Variants in SBF2 observed in about 807,000 individuals in gnomAD.
SBF2 encodes SET binding factor 2.
Under a neutral mutation model 225.2 loss-of-function variants are expected in SBF2, and 112 were observed. That is an observed-to-expected ratio of 0.50 (90% CI 0.43 to 0.58). The LOEUF (loss-of-function observed/expected upper bound fraction) is 0.58. Ranked by LOEUF, SBF2 falls within the 20% of genes least tolerant of loss-of-function variation. SBF2 has a pLI of 0.00. For synonymous variants in SBF2, 763 were observed against 773.3 expected (o/e 0.99, Z 0.22); for missense variants, 1,996 against 2,206.2 (o/e 0.90, Z 1.91).
rs139044365 is a variant in SBF2 at position 10,237,513 on chromosome 11, A to G, written c.56-43526T>C. Among the ~76,000 whole-genome samples the G allele has an allele frequency of 2.6e-5, 4 of 152,308 alleles. No individual in the cohort carries two copies. In the East Asian group the frequency reaches 7.7e-4, roughly 29 times the overall value. On this transcript the variant is annotated intron_variant, in intron 1 of 39. Coordinates refer to ENST00000256190, the MANE Select transcript of SBF2 (RefSeq NM_030962.4). ...GCCTCAAATCATCTCAGTACTTAAA[A>G]CTGGATTAAGGTGATACAGAATTAC...
At chr11:9,841,664 T>C (rs1357456847) in intron 25 of SBF2, among the ~76,000 whole-genome samples, 1 of 152,000 alleles carries the variant, frequency 6.6e-6, no homozygotes, top group Non-Finnish European at 1.5e-5. Flanking sequence ...TCCTGAGCAG[T>C]AGGGACTACA....
At chr11:10,202,281 T>C (rs1957593031) in intron 1 of SBF2, among the ~76,000 whole-genome samples, 1 of 152,210 alleles carries the variant, frequency 6.6e-6, no homozygotes, top group Admixed American at 6.5e-5. Flanking sequence ...CCCAGCATCA[T>C]TCACAATCAC....
intron 2 of SBF2, among the ~76,000 whole-genome samples, chr11:10,134,186 T>C (rs1308668212): frequency 6.6e-6 from 1 of 152,138 alleles, no homozygotes; most frequent in Non-Finnish European, 1.5e-5. Flanking sequence ...AACTCCCCTT[T>C]ACAAAACCAT....
At chr11:9,830,770 C>CAAAAAAAAAAAAAA (rs1206347819) in intron 27 of SBF2, among the ~76,000 whole-genome samples, 6 of 137,514 alleles carry the variant, frequency 4.4e-5, no homozygotes, top group African/African-American at 1.1e-4. Flanking sequence ...AAAAACAAAA[C>CAAAAAAAAAAAAAA]AAAACAAAAA....
At chr11:9,868,110 G>A (rs1319776714) in intron 17 of SBF2, among the ~76,000 whole-genome samples, 1 of 151,838 alleles carries the variant, frequency 6.6e-6, no homozygotes. Flanking sequence ...AATATCACTT[G>A]TACCCCATAA....
intron 2 of SBF2, among the ~76,000 whole-genome samples, chr11:10,141,543 CAA>C (rs1227756903): frequency 3.3e-5 from 5 of 152,296 alleles, no homozygotes; most frequent in African/African-American, 1.2e-4. Flanking sequence ...TCATTTCTTT[CAA>C]AAGACATTAC....
chr11:9,969,074 C>T (rs900357225), intron 13 of SBF2, among the ~76,000 whole-genome samples: 3 of 152,144 alleles, frequency 2.0e-5, no homozygotes, highest in South Asian at 2.1e-4. Context: ...TAATCTTCAC[C>T]CACCTCTATC....
At chr11:9,866,052 G>A (rs548509037) in intron 17 of SBF2, among the ~76,000 whole-genome samples, 2 of 152,252 alleles carry the variant, frequency 1.3e-5, no homozygotes, top group East Asian at 3.9e-4. Context: ...CTTGACACGG[G>A]TCCCAGTAAA....
intron 6 of SBF2, among the ~76,000 whole-genome samples, chr11:10,008,905 G>T (rs1948319468): frequency 6.6e-6 from 1 of 152,158 alleles, no homozygotes; most frequent in African/African-American, 2.4e-5. Flanking sequence ...CTCTTTTCCT[G>T]GGCAATTATC....
intron 2 of SBF2, among the ~76,000 whole-genome samples, chr11:10,171,698 G>C (rs1246555676): frequency 1.3e-5 from 2 of 152,144 alleles, no homozygotes; most frequent in South Asian, 4.1e-4. Context: ...TTTTGGAATA[G>C]TTTGAGTCGA....
rs372654402 is a variant in SBF2, at chr11:10,124,075, T to C, written c.141+69827A>G. ...AATCTTCATTCACTTTTATTTTAGA[T>C]TGCCTTTAAAAAATTATGACTGAGA... On this transcript the variant is annotated intron_variant, in intron 2 of 39. Coordinates refer to ENST00000256190, the MANE Select transcript of SBF2 (RefSeq NM_030962.4). Among the ~76,000 whole-genome samples, 16 of 152,340 alleles carry C rather than the reference T, an allele frequency of 1.1e-4. No homozygotes were observed. In the East Asian group the frequency reaches 2.9e-3, roughly 28 times the overall value.
At chr11:10,223,399 T>TTTTATATATATATATATATATA (rs1279386744) in intron 1 of SBF2, among the ~76,000 whole-genome samples, 1 of 59,276 alleles carries the variant, frequency 1.7e-5, no homozygotes, top group Non-Finnish European at 3.4e-5. Context: ...ATTTTGCACA[T>TTTTATATATATATATATATATA]TATATATATA....
chr11:10,254,399 A>AG (rs1238890835), intron 1 of SBF2, among the ~76,000 whole-genome samples: 5 of 151,602 alleles, frequency 3.3e-5, no homozygotes, highest in Non-Finnish European at 7.4e-5. Context: ...AAAAAAAAAA[A>AG]GAACTACCTA....
intron 16 of SBF2, among the ~76,000 whole-genome samples, chr11:9,903,697 C>T (rs984243344): frequency 2.0e-5 from 3 of 152,184 alleles, no homozygotes; most frequent in African/African-American, 7.2e-5. Context: ...TTTATTTATA[C>T]GCTGGCCCCT....
chr11:10,276,895 G>C (rs1413347766), intron 1 of SBF2, among the ~76,000 whole-genome samples: 1 of 152,080 alleles, frequency 6.6e-6, no homozygotes, highest in African/African-American at 2.4e-5. Context: ...GTAATTTAAA[G>C]TTAGAACAAG....
At chr11:9,783,362 G>C (rs1374618796) in intron 38 of SBF2, among the ~76,000 whole-genome samples, 2 of 152,190 alleles carry the variant, frequency 1.3e-5, no homozygotes, top group Non-Finnish European at 2.9e-5. Flanking sequence ...GTCTTCATTT[G>C]GAAGGAGTCT....
chr11:10,265,228 T>A (rs1961859411), intron 1 of SBF2, among the ~76,000 whole-genome samples: 1 of 152,146 alleles, frequency 6.6e-6, no homozygotes, highest in Admixed American at 6.5e-5. Flanking sequence ...TTTCTCCGCA[T>A]CCTCTCCAGC....
At chr11:10,196,866 A>ATTTTTTTTTTTTTT (rs1555073581) in intron 1 of SBF2, among the ~76,000 whole-genome samples, 5 of 99,302 alleles carry the variant, frequency 5.0e-5, no homozygotes, top group African/African-American at 1.6e-4. Flanking sequence ...ATATATATAT[A>ATTTTTTTTTTTTTT]TTTTTTTTTT....
chr11:10,230,739 A>C (rs778409027), intron 1 of SBF2, among the ~76,000 whole-genome samples: 5 of 152,226 alleles, frequency 3.3e-5, no homozygotes, highest in East Asian at 1.9e-4. Context: ...TGGCTGCCTT[A>C]ACATTTTTTC....
Sources: allele counts gnomAD v4.1 joint callset (sites outside exome capture counted in the v4.1 genomes callset), GRCh38; gene constraint gnomAD v4.1.1; transcripts MANE v1.5; gene names NCBI Gene and HGNC (gene_info 2026-07-23, HGNC 2026-07-21).